Variants in SGCZ observed in about 807,000 individuals in gnomAD.
SGCZ encodes zeta-sarcoglycan.
In SGCZ, 40 loss-of-function variants were observed where a neutral mutation model predicts 41.3. That is an observed-to-expected ratio of 0.97 (90% CI 0.75 to 1.26). The LOEUF is 1.26. Ranked by LOEUF, SGCZ falls within the 50% of genes most tolerant of loss-of-function variation. The pLI, the probability that SGCZ is intolerant of heterozygous loss-of-function variation, is 0.00. For synonymous variants in SGCZ, 206 were observed against 137.5 expected (o/e 1.50, Z -3.49); for missense variants, 552 against 369.8 (o/e 1.49, Z -4.04).
At chr8:14,405,859 A>G (rs577954669) in intron 2 of SGCZ, among the ~76,000 whole-genome samples, 2 of 147,148 alleles carry the variant, frequency 1.4e-5, no homozygotes, top group Admixed American at 6.6e-5. Context: ...TATCTTAGTC[A>G]TTTGTGTTTC....
At chr8:14,093,093 T>C (rs1330286750) in intron 7 of SGCZ, among the ~76,000 whole-genome samples, 2 of 152,112 alleles carry the variant, frequency 1.3e-5, no homozygotes, top group African/African-American at 2.4e-5. Flanking sequence ...AATAGCTCTC[T>C]CCAGCTGTTT....
intron 2 of SGCZ, among the ~76,000 whole-genome samples, chr8:14,415,860 G>C (rs537615639): frequency 1.8e-4 from 27 of 151,966 alleles, no homozygotes; most frequent in African/African-American, 6.3e-4. Flanking sequence ...GGCCAGTGTG[G>C]CTAAAAGACT....
chr8:14,309,662 G>C (rs1314578601), intron 3 of SGCZ: 1 of 1,610,400 alleles, frequency 6.2e-7, no homozygotes. Flanking sequence ...CTAAAAATAG[G>C]TTTGTTGTTT....
chr8:15,180,013 G>T (rs116450192), intron 1 of SGCZ, among the ~76,000 whole-genome samples: 2,089 of 152,186 alleles, frequency 0.014, 41 homozygotes, highest in African/African-American at 0.048. Flanking sequence ...ACTATTATAT[G>T]CACATTTTTA....
At chr8:15,237,494 ACTC>A in intron 1 of SGCZ, 88 bp downstream of exon 1, 5 of 1,457,296 alleles carry the variant, frequency 3.4e-6, no homozygotes, top group Non-Finnish European at 4.7e-6. Context: ...ACCACCAACT[ACTC>A]CGCGCCGCTG....
chr8:15,216,435 T>TGGTCTC (rs2117172802), intron 1 of SGCZ, among the ~76,000 whole-genome samples: 1 of 152,058 alleles, frequency 6.6e-6, no homozygotes, highest in Admixed American at 6.6e-5. Context: ...TTCGCCAGGA[T>TGGTCTC]GGTCTCGATC....
intron 1 of SGCZ, among the ~76,000 whole-genome samples, chr8:14,597,044 T>G (rs371530360): frequency 1.3e-5 from 2 of 152,236 alleles, no homozygotes; most frequent in South Asian, 4.1e-4. Context: ...ACGCCTGAGG[T>G]AGTTTAGTAG....
chr8:14,698,555 G>T (rs1463295893), intron 1 of SGCZ, among the ~76,000 whole-genome samples: 1 of 151,768 alleles, frequency 6.6e-6, no homozygotes, highest in African/African-American at 2.4e-5. Flanking sequence ...GAGACAAAAT[G>T]CTTTTCCAGA....
intron 2 of SGCZ, among the ~76,000 whole-genome samples, chr8:14,449,602 G>A (rs536435063): frequency 5.3e-5 from 8 of 151,928 alleles, no homozygotes; most frequent in South Asian, 2.1e-4. Context: ...TCCCTCCATC[G>A]TCCCTCCACA....
At chr8:15,054,576 C>G (rs1422612163) in intron 1 of SGCZ, among the ~76,000 whole-genome samples, 1 of 152,140 alleles carries the variant, frequency 6.6e-6, no homozygotes, top group Non-Finnish European at 1.5e-5. Flanking sequence ...GTTTAACATG[C>G]TGGCGTTGTA....
At chr8:15,228,405 G>C (rs979200620) in intron 1 of SGCZ, among the ~76,000 whole-genome samples, 1 of 152,168 alleles carries the variant, frequency 6.6e-6, no homozygotes, top group Non-Finnish European at 1.5e-5. Context: ...ATGGAACTAT[G>C]ACTGAGGCAT....
intron 2 of SGCZ, among the ~76,000 whole-genome samples, chr8:14,327,207 A>C (rs1207661674): frequency 6.6e-6 from 1 of 152,184 alleles, no homozygotes; most frequent in African/African-American, 2.4e-5. Context: ...TTGGATTTGG[A>C]GATCTTGAAG....
rs1407607173 is a variant in SGCZ, at chr8:14,224,558, G to A, written c.424+13034C>T. Among the ~76,000 whole-genome samples, 5 of 152,268 alleles carry A rather than the reference G, an allele frequency of 3.3e-5. No individual in the cohort carries two copies. In the East Asian group the frequency reaches 9.7e-4, roughly 29 times the overall value. On this transcript the variant is annotated intron_variant, in intron 4 of 7. Coordinates refer to ENST00000382080, the MANE Select transcript of SGCZ (RefSeq NM_139167.4). Reference sequence around the variant, plus strand: ...TGTGCATCTGGAAATATTTCCCTATGTGAAAGCTCAATTATGCTAAAATAT... The same window carrying A: ...TGTGCATCTGGAAATATTTCCCTATATGAAAGCTCAATTATGCTAAAATAT...
intron 1 of SGCZ, among the ~76,000 whole-genome samples, chr8:15,133,107 C>A (rs182205977): frequency 6.6e-6 from 1 of 152,036 alleles, no homozygotes; most frequent in African/African-American, 2.4e-5. Flanking sequence ...CATACCACTG[C>A]ACTCCAGCCT....
At chr8:14,127,982 C>T (rs576701451) in intron 5 of SGCZ, among the ~76,000 whole-genome samples, 3 of 152,126 alleles carry the variant, frequency 2.0e-5, no homozygotes, top group Admixed American at 6.5e-5. Flanking sequence ...TACATAAGTT[C>T]TTATCATTTA....
At chr8:15,048,265 G>A (rs577066441) in intron 1 of SGCZ, among the ~76,000 whole-genome samples, 1 of 152,086 alleles carries the variant, frequency 6.6e-6, no homozygotes, top group Admixed American at 6.6e-5. Context: ...GCCATATGTG[G>A]GAGCTAGATA....
chr8:14,210,746 C>A (rs1441726854), intron 4 of SGCZ, among the ~76,000 whole-genome samples: 1 of 152,082 alleles, frequency 6.6e-6, no homozygotes, highest in Non-Finnish European at 1.5e-5. Context: ...GGATTACAGG[C>A]GTGAGCCACT....
intron 5 of SGCZ, among the ~76,000 whole-genome samples, chr8:14,146,268 G>A (rs1803517214): frequency 6.6e-6 from 1 of 152,140 alleles, no homozygotes; most frequent in African/African-American, 2.4e-5. Flanking sequence ...TTACAGGCTG[G>A]GAGAGAGTGG....
chr8:14,635,709 C>T (rs78300015), intron 1 of SGCZ, among the ~76,000 whole-genome samples: 6,373 of 151,648 alleles, frequency 0.042, 170 homozygotes, highest in Middle Eastern at 0.092. Flanking sequence ...GGGTGGAAGC[C>T]GTGTTCCAAC....
Sources: gnomAD v4.1 joint callset for allele counts (sites outside exome capture counted in the v4.1 genomes callset) on GRCh38, gnomAD v4.1.1 for gene constraint, MANE v1.5 for transcripts, NCBI Gene and HGNC (gene_info 2026-07-23, HGNC 2026-07-21) for gene names.